ADARB2: variants seen among roughly 807,000 people sequenced by gnomAD.
ADARB2 encodes the protein adenosine deaminase RNA specific B2 (inactive).
Under a neutral mutation model 62.2 loss-of-function variants are expected in ADARB2, and 25 were observed. That is an observed-to-expected ratio of 0.40 (90% CI 0.29 to 0.56). The LOEUF is 0.56. ADARB2 is among the 20% of genes least tolerant of loss of function. The pLI is 0.43. For missense variants in ADARB2, 1,071 were observed against 1,077.4 expected, an observed-to-expected ratio of 0.99 and a Z score of 0.08; for synonymous variants, 572 against 500.8, an observed-to-expected ratio of 1.14 and a Z score of -1.90.
chr10:1,259,728 G>A (rs933367842), intron 4 of ADARB2, among the ~76,000 whole-genome samples: 1 of 152,190 alleles, frequency 6.6e-6, no homozygotes, highest in Non-Finnish European at 1.5e-5. Context: ...GGTACAAGGA[G>A]GAACTGGTAC....
At chr10:1,305,497 T>C (rs937599657) in intron 3 of ADARB2, among the ~76,000 whole-genome samples, 14 of 152,138 alleles carry the variant, frequency 9.2e-5, no homozygotes, top group African/African-American at 3.4e-4. Flanking sequence ...GTACCATTCC[T>C]TCTGAAACTA....
rs112821221 is a variant in ADARB2 at position 1,687,813 on chromosome 10, G to C, written c.100+49238C>G. Among the ~76,000 whole-genome samples, 6 of 152,006 alleles carry C rather than the reference G, an allele frequency of 3.9e-5. No homozygotes were observed. The East Asian group carries it at 7.7e-4, about 20-fold the overall frequency. ...CAGGAGTCACACCCTTGCTGGCCGG[G>C]GGGGAAAACCACCCACCATGTGCCT... is the stretch of plus-strand genomic sequence containing the variant. On this transcript the variant is annotated intron_variant, in intron 1 of 9. Coordinates refer to ENST00000381312, the MANE Select transcript of ADARB2 (RefSeq NM_018702.4).
intron 1 of ADARB2, among the ~76,000 whole-genome samples, chr10:1,736,719 G>A (rs1474190574): frequency 6.6e-6 from 1 of 152,204 alleles, no homozygotes; most frequent in Admixed American, 6.5e-5. Context: ...CCGGAGGGTG[G>A]AAGGCAGTGC....
intron 4 of ADARB2, among the ~76,000 whole-genome samples, chr10:1,251,552 C>T (rs776793866): frequency 6.6e-5 from 10 of 151,966 alleles, no homozygotes; most frequent in South Asian, 2.1e-4. Flanking sequence ...ACACCGGGAG[C>T]GAACCCTAAC....
intron 1 of ADARB2, among the ~76,000 whole-genome samples, chr10:1,432,851 C>T (rs1830791066): frequency 6.6e-6 from 1 of 152,064 alleles, no homozygotes; most frequent in Non-Finnish European, 1.5e-5. Flanking sequence ...AGGCATCCCC[C>T]AAGGGCAAGG....
intron 2 of ADARB2, among the ~76,000 whole-genome samples, chr10:1,369,125 G>A (rs556423449): frequency 2.0e-5 from 3 of 152,228 alleles, no homozygotes; most frequent in East Asian, 3.9e-4. Context: ...CCTTCCACAC[G>A]GAAGGTATTA....
intron 1 of ADARB2, among the ~76,000 whole-genome samples, chr10:1,645,724 C>T (rs1175043760): frequency 2.0e-5 from 3 of 152,198 alleles, no homozygotes; most frequent in Non-Finnish European, 4.4e-5. Flanking sequence ...GCCATCTACA[C>T]CTCATCTCCA....
chr10:1,284,305 G>A (rs1326471786), intron 3 of ADARB2, among the ~76,000 whole-genome samples: 1 of 152,178 alleles, frequency 6.6e-6, no homozygotes, highest in Admixed American at 6.5e-5. Flanking sequence ...GGTGAGGACA[G>A]TGATCCAGGG....
intron 1 of ADARB2, among the ~76,000 whole-genome samples, chr10:1,567,090 G>C (rs1017295781): frequency 2.6e-5 from 4 of 152,032 alleles, no homozygotes; most frequent in Admixed American, 2.0e-4. Flanking sequence ...AGCGAAGGAC[G>C]AACAGTAGGA....
chr10:1,281,077 G>A (rs776741952), intron 3 of ADARB2, among the ~76,000 whole-genome samples: 1 of 152,230 alleles, frequency 6.6e-6, no homozygotes, highest in Non-Finnish European at 1.5e-5. Flanking sequence ...GAAGACTTAT[G>A]CAAATAGTGC....
At chr10:1,258,095 C>T (rs999674567) in intron 4 of ADARB2, among the ~76,000 whole-genome samples, 6 of 152,118 alleles carry the variant, frequency 3.9e-5, no homozygotes, top group African/African-American at 1.4e-4. Flanking sequence ...TTTCTTCCTT[C>T]TCCTTCCCTT....
At chr10:1,535,199 C>T (rs1832313158) in intron 1 of ADARB2, among the ~76,000 whole-genome samples, 1 of 152,174 alleles carries the variant, frequency 6.6e-6, no homozygotes, top group African/African-American at 2.4e-5. Context: ...TGGGATTCTG[C>T]TCTTTACGCC....
At chr10:1,241,002 G>T (rs1020669431) in intron 5 of ADARB2, among the ~76,000 whole-genome samples, 8 of 152,068 alleles carry the variant, frequency 5.3e-5, no homozygotes, top group Non-Finnish European at 1.2e-4. Flanking sequence ...TGAGCACAGT[G>T]GCTCATGCCT....
intron 1 of ADARB2, among the ~76,000 whole-genome samples, chr10:1,632,661 G>T (rs1239317198): frequency 6.6e-6 from 1 of 152,218 alleles, no homozygotes. Context: ...AGGACTGATG[G>T]CAGATCCTCA....
intron 1 of ADARB2, among the ~76,000 whole-genome samples, chr10:1,435,382 T>C (rs189670460): frequency 9.7e-4 from 147 of 152,310 alleles, no homozygotes; most frequent in African/African-American, 3.0e-3. Context: ...GATGTTCTAA[T>C]CTCTGCTGTG....
At chr10:1,717,672 G>T (rs1403341474) in intron 1 of ADARB2, among the ~76,000 whole-genome samples, 1 of 151,728 alleles carries the variant, frequency 6.6e-6, no homozygotes, top group Non-Finnish European at 1.5e-5. Context: ...CCTCCTCCCG[G>T]GTTCAGGAGA....
rs1831295597 is a variant in ADARB2 at position 1,469,523 on chromosome 10, C to T, written c.101-90363G>A. Among the ~76,000 whole-genome samples the T allele has an allele frequency of 2.0e-5, 3 of 152,286 alleles. No individual in the cohort carries two copies. In the South Asian group the frequency reaches 6.2e-4, roughly 32 times the overall value. ...ACTTTTACACAAGTTCTTGAGAAGT[C>T]CCAAATTATGAAAACCTCTAGAATA... On this transcript the variant is annotated intron_variant, in intron 1 of 9. Coordinates refer to ENST00000381312, the MANE Select transcript of ADARB2 (RefSeq NM_018702.4).
At chr10:1,227,905 C>T (rs182607084) in intron 6 of ADARB2, among the ~76,000 whole-genome samples, 106 of 152,298 alleles carry the variant, frequency 7.0e-4, no homozygotes, top group Non-Finnish European at 9.7e-4. Context: ...CATGTGTCCA[C>T]GTGGGTGCAC....
chr10:1,567,764 C>T (rs983592196), intron 1 of ADARB2, among the ~76,000 whole-genome samples: 2 of 152,190 alleles, frequency 1.3e-5, no homozygotes, highest in African/African-American at 2.4e-5. Flanking sequence ...CACAAGGATT[C>T]GTCCACTACC....
Sources: allele counts gnomAD v4.1 joint callset (sites outside exome capture counted in the v4.1 genomes callset), GRCh38; gene constraint gnomAD v4.1.1; transcripts MANE v1.5; gene names NCBI Gene and HGNC (gene_info 2026-07-23, HGNC 2026-07-21).